The following TMCO4 variants were observed in gnomAD, a reference collection of about 807,000 sequenced individuals.
TMCO4 encodes the protein transmembrane and coiled-coil domain-containing protein 4.
In TMCO4, 58 loss-of-function variants were observed where a neutral mutation model predicts 64.7. The ratio of observed to expected loss-of-function variants is 0.90; its 90% CI spans 0.73 to 1.12. TMCO4 has a LOEUF of 1.12. TMCO4 is among the 50% of genes most tolerant of loss of function. The pLI is 0.00. For missense variants in TMCO4, 780 were observed against 825.9 expected, an observed-to-expected ratio of 0.94 and a Z score of 0.68; for synonymous variants, 325 against 346.1, an observed-to-expected ratio of 0.94 and a Z score of 0.68.
intron 13 of TMCO4, among the ~76,000 whole-genome samples, chr1:19,705,538 C>CAA (rs201649957): frequency 2.9e-5 from 4 of 138,820 alleles, no homozygotes; most frequent in Non-Finnish European, 4.8e-5. Context: ...AAAAGAATTG[C>CAA]AAAAAAAAAA....
At chr1:19,760,504 A>AC (rs1252970715) in intron 6 of TMCO4, among the ~76,000 whole-genome samples, 1 of 151,878 alleles carries the variant, frequency 6.6e-6, no homozygotes, top group Admixed American at 6.6e-5. Context: ...TGCAGCCTCA[A>AC]CCTCCTGGGC....
chr1:19,704,788 A>G (rs1476263340), intron 13 of TMCO4, among the ~76,000 whole-genome samples: 4 of 152,304 alleles, frequency 2.6e-5, no homozygotes, highest in African/African-American at 7.2e-5. Context: ...GAGCTTCAGG[A>G]AAACCTAAAA....
At chr1:19,707,175 C>T (rs1028444624) in intron 13 of TMCO4, among the ~76,000 whole-genome samples, 1 of 152,178 alleles carries the variant, frequency 6.6e-6, no homozygotes. Flanking sequence ...ATGGTTTGGA[C>T]GTTTGTCCCC....
intron 15 of TMCO4, among the ~76,000 whole-genome samples, chr1:19,690,838 A>G (rs1202792217): frequency 6.7e-6 from 1 of 148,560 alleles, no homozygotes; most frequent in African/African-American, 2.5e-5. Context: ...GGTTTACAGC[A>G]TGTGAGCCAA....
chr1:19,780,020 C>G (rs1343199690), intron 4 of TMCO4, among the ~76,000 whole-genome samples: 1 of 152,122 alleles, frequency 6.6e-6, no homozygotes, highest in South Asian at 2.1e-4. Flanking sequence ...TTTTTGGCAC[C>G]AGGGACTGGT....
chr1:19,736,494 C>A (rs78053152), intron 13 of TMCO4, among the ~76,000 whole-genome samples: 45 of 152,292 alleles, frequency 3.0e-4, no homozygotes, highest in African/African-American at 1.1e-3. Context: ...CTCCTCTTGC[C>A]TTCAGAGTCC....
At chr1:19,756,156 T>G (rs2042246136) in intron 6 of TMCO4, among the ~76,000 whole-genome samples, 1 of 152,076 alleles carries the variant, frequency 6.6e-6, no homozygotes, top group African/African-American at 2.4e-5. Context: ...GGGGCTGATG[T>G]AGGAGGATCA....
At chr1:19,788,456 T>G (rs1411340828) in intron 2 of TMCO4, among the ~76,000 whole-genome samples, 1 of 152,190 alleles carries the variant, frequency 6.6e-6, no homozygotes, top group Non-Finnish European at 1.5e-5. Context: ...AGTGGCTAAC[T>G]CCAGGTAGGC....
At chr1:19,777,383 T>C (rs1450773457) in intron 4 of TMCO4, among the ~76,000 whole-genome samples, 4 of 146,694 alleles carry the variant, frequency 2.7e-5, no homozygotes, top group Non-Finnish European at 6.0e-5. Flanking sequence ...AGTCTCACCC[T>C]GTCACCCAGG....
At chr1:19,690,821 G>A (rs1385251068) in intron 15 of TMCO4, among the ~76,000 whole-genome samples, 1 of 150,054 alleles carries the variant, frequency 6.7e-6, no homozygotes, top group Non-Finnish European at 1.5e-5. Context: ...CCTCTAGGGA[G>A]TTGCGAGGTT....
intron 13 of TMCO4, among the ~76,000 whole-genome samples, chr1:19,707,566 TG>T (rs2095308725): frequency 6.6e-6 from 1 of 152,194 alleles, no homozygotes; most frequent in Admixed American, 6.5e-5. Context: ...GAGATTGCAG[TG>T]AGCAGAGATC....
chr1:19,777,525 T>A (rs919827455), intron 4 of TMCO4, among the ~76,000 whole-genome samples: 2 of 152,152 alleles, frequency 1.3e-5, no homozygotes, highest in African/African-American at 2.4e-5. Context: ...ATTTTTATAT[T>A]TTTAATAGAT....
At chr1:19,688,272 C>A (rs1159532966) in intron 15 of TMCO4, among the ~76,000 whole-genome samples, 2 of 152,182 alleles carry the variant, frequency 1.3e-5, no homozygotes, top group African/African-American at 4.8e-5. Context: ...CCACTTCTCA[C>A]TCACCTCTGT....
chr1:19,720,948 GA>G (rs1359029203), intron 13 of TMCO4, among the ~76,000 whole-genome samples: 1 of 150,742 alleles, frequency 6.6e-6, no homozygotes, highest in East Asian at 1.9e-4. Flanking sequence ...TAGATACGAG[GA>G]AAGAAAAAAA....
intron 15 of TMCO4, among the ~76,000 whole-genome samples, chr1:19,684,321 G>C (rs1444348938): frequency 6.6e-6 from 1 of 151,410 alleles, no homozygotes; most frequent in African/African-American, 2.4e-5. Flanking sequence ...TGTAGAGATG[G>C]GGTCTCCTAT....
chr1:19,763,967 G>A (rs2042618699), intron 6 of TMCO4, among the ~76,000 whole-genome samples: 1 of 152,190 alleles, frequency 6.6e-6, no homozygotes, highest in South Asian at 2.1e-4. Flanking sequence ...CATGGCTTAG[G>A]ACGATTAAGG....
intron 15 of TMCO4, among the ~76,000 whole-genome samples, chr1:19,685,152 C>T (rs1467841675): frequency 1.3e-5 from 2 of 152,182 alleles, no homozygotes; most frequent in South Asian, 4.1e-4. Context: ...TGGGGAAACC[C>T]TGTCTCTACA....
intron 4 of TMCO4, among the ~76,000 whole-genome samples, chr1:19,780,106 G>T (rs2043391345): frequency 6.6e-6 from 1 of 152,168 alleles, no homozygotes. Flanking sequence ...CAGATCATCA[G>T]GCGTTAGTTA....
At position 19,694,515 on chromosome 1, in the gene TMCO4, G is replaced by C. The variant is rs766647459; in HGVS notation, c.1419C>G (p.Ser473=). 1 of 1,614,124 alleles carries C rather than the reference G, an allele frequency of 6.2e-7. No homozygotes were observed. The highest frequency in any genetic ancestry group is 1.1e-5 in the South Asian group (1 of 91,078). Residue 473 remains serine (S), a synonymous_variant, in exon 15 of 16, where the codon TCC becomes TCG. Transcript: ENST00000294543. ...DWLLSFVYRT[S]SVQLRVAGLQ... ...GGCCGGCGACACGGAGCTGCACCGA[G>C]GATGTGCGGTACACGAAACTCAGCA...
Sources: allele counts gnomAD v4.1 joint callset (sites outside exome capture counted in the v4.1 genomes callset), GRCh38; gene constraint gnomAD v4.1.1; transcripts MANE v1.5; gene names NCBI Gene and HGNC (gene_info 2026-07-23, HGNC 2026-07-21).